The following SLC25A31 variants were observed in gnomAD, a reference collection of about 807,000 sequenced individuals.
SLC25A31 encodes the protein ADP/ATP translocase 4.
In SLC25A31, 40 loss-of-function variants were observed where a neutral mutation model predicts 36.2. That is an observed-to-expected ratio of 1.10 (90% CI 0.86 to 1.44). The LOEUF (loss-of-function observed/expected upper bound fraction) is 1.44. Ranked by LOEUF, SLC25A31 falls within the 40% of genes most tolerant of loss-of-function variation. The probability of loss-of-function intolerance (pLI) is 0.00; values close to 1 mark genes in which losing one functional copy is unlikely to be tolerated. For missense variants in SLC25A31, 350 were observed against 397.1 expected, an observed-to-expected ratio of 0.88 and a Z score of 1.01; for synonymous variants, 143 against 149.7, an observed-to-expected ratio of 0.96 and a Z score of 0.32.
At chr4:127,757,361 C>T (rs775043335) in intron 2 of SLC25A31, among the ~76,000 whole-genome samples, 7 of 152,106 alleles carry the variant, frequency 4.6e-5, no homozygotes, top group Non-Finnish European at 1.0e-4. Context: ...TGTTTAGTTC[C>T]CACTTATAAG....
chr4:127,746,877 G>A (rs181261077), intron 2 of SLC25A31, among the ~76,000 whole-genome samples: 44 of 152,210 alleles, frequency 2.9e-4, no homozygotes, highest in African/African-American at 9.9e-4. Flanking sequence ...TATTGCCTGG[G>A]TTGTCTTCCA....
chr4:127,733,872 C>T (rs1463523012), intron 1 of SLC25A31, among the ~76,000 whole-genome samples: 3 of 152,164 alleles, frequency 2.0e-5, no homozygotes, highest in African/African-American at 7.2e-5. Context: ...TACTTTCTTT[C>T]CATTACAAGA....
chr4:127,769,769 G>A (rs77755630), intron 5 of SLC25A31, among the ~76,000 whole-genome samples: 18 of 152,280 alleles, frequency 1.2e-4, no homozygotes, highest in African/African-American at 1.7e-4. Context: ...ATGATCAGAC[G>A]TGGTCTCCTA....
In SLC25A31 at chr4:127,758,909, C is replaced by G. The variant is rs138141130; in HGVS notation, c.361-5334C>G. ...TAGTTTGAAGTCAGGTAATGTGATGCCTATGGATTTGTTCTTTTTGCGTGG... is the reference window on the plus strand; with the variant it reads ...TAGTTTGAAGTCAGGTAATGTGATGGCTATGGATTTGTTCTTTTTGCGTGG... On this transcript the variant is annotated intron_variant, in intron 2 of 5. Coordinates refer to ENST00000281154, the MANE Select transcript of SLC25A31 (RefSeq NM_031291.4). Among the ~76,000 whole-genome samples, 135 of 152,192 alleles carry G rather than the reference C, an allele frequency of 8.9e-4. 2 individuals carry two copies. Among genetic ancestry groups the G allele is most frequent in the African/African-American group, 3.0e-3 (125 of 41,534 alleles).
chr4:127,744,092 T>G (rs984250156), intron 1 of SLC25A31, among the ~76,000 whole-genome samples: 2 of 152,198 alleles, frequency 1.3e-5, no homozygotes, highest in Non-Finnish European at 2.9e-5. Context: ...GTAGGGAGAT[T>G]ACTGGCGTCA....
Position 127,773,682 on chromosome 4 carries a change from AGT to A in SLC25A31, c.*110_*111del. The A allele has an allele frequency of 1.1e-6, 1 of 892,420 alleles. No homozygotes were observed. The highest frequency in any genetic ancestry group is 1.6e-6 in the Non-Finnish European group (1 of 625,602). The allele number at this position is 892,420 out of a possible 1,614,324, so 55.3% of individuals were successfully genotyped here. On this transcript the variant is annotated 3_prime_UTR_variant, in exon 6 of 6. Transcript: ENST00000281154. ...AGTGTTATTGTCTGTATTTTGTTAAAGTGCTAGTTCTGCAATAAAGCATACAT... is the reference window on the plus strand; with the variant it reads ...AGTGTTATTGTCTGTATTTTGTTAAAGCTAGTTCTGCAATAAAGCATACAT...
At chr4:127,757,236 C>A (rs975995334) in intron 2 of SLC25A31, among the ~76,000 whole-genome samples, 8 of 152,128 alleles carry the variant, frequency 5.3e-5, no homozygotes, top group Non-Finnish European at 8.8e-5. Context: ...ACCCATCAAC[C>A]AAATAGTCAA....
intron 5 of SLC25A31, among the ~76,000 whole-genome samples, chr4:127,772,375 T>G (rs1345782712): frequency 2.0e-5 from 3 of 152,236 alleles, no homozygotes; most frequent in Non-Finnish European, 4.4e-5. Flanking sequence ...CATCTTGCTC[T>G]TAAATTTCTG....
intron 1 of SLC25A31, among the ~76,000 whole-genome samples, chr4:127,731,185 G>A (rs1159770016): frequency 6.6e-6 from 1 of 152,124 alleles, no homozygotes; most frequent in African/African-American, 2.4e-5. Flanking sequence ...CTCCAGCATG[G>A]GCGACAGAGG....
At chr4:127,772,503 CT>C (rs1189130846) in intron 5 of SLC25A31, among the ~76,000 whole-genome samples, 4 of 152,064 alleles carry the variant, frequency 2.6e-5, no homozygotes, top group African/African-American at 9.7e-5. Context: ...CCTAACTGGA[CT>C]TTTTTTGTGC....
chr4:127,756,899 A>T (rs1732040925), intron 2 of SLC25A31, among the ~76,000 whole-genome samples: 1 of 152,228 alleles, frequency 6.6e-6, no homozygotes, highest in African/African-American at 2.4e-5. Context: ...GGAAAAAAGT[A>T]TGGCGATTTC....
At position 127,730,567 on chromosome 4, in the gene SLC25A31, A is replaced by C. The variant is rs1731497814; in HGVS notation, c.22A>C (p.Lys8Gln). The change falls in exon 1 of 6, where the codon AAG becomes CAG. Residue 8 changes from lysine to glutamine, a missense_variant. Lys to Gln is a moderately conservative substitution (Grantham distance 53, BLOSUM62 1). Transcript: ENST00000281154. MHREPAKKKAEKRLFDAS... is the reference protein window; with the variant it reads MHREPAKQKAEKRLFDAS... ...CATCATGCATCGTGAGCCTGCGAAAAAGAAGGCAGAAAAGCGGCTGTTTGA... is the reference window on the plus strand; with the variant it reads ...CATCATGCATCGTGAGCCTGCGAAACAGAAGGCAGAAAAGCGGCTGTTTGA... 6.2e-7 allele frequency: 1 copy of C among 1,613,782 alleles called. No individual in the cohort carries two copies. The highest frequency in any genetic ancestry group is 1.3e-5 in the African/African-American group (1 of 74,918).
intron 2 of SLC25A31, among the ~76,000 whole-genome samples, chr4:127,747,170 C>T (rs1731841680): frequency 6.6e-6 from 1 of 152,192 alleles, no homozygotes; most frequent in Non-Finnish European, 1.5e-5. Context: ...GTTTTGGTTA[C>T]TTTAGCCCAG....
At chr4:127,736,794 AT>A (rs1353996195) in intron 1 of SLC25A31, among the ~76,000 whole-genome samples, 1 of 152,226 alleles carries the variant, frequency 6.6e-6, no homozygotes, top group African/African-American at 2.4e-5. Context: ...TGCTCAAGTA[AT>A]TGTTACTAAT....
intron 1 of SLC25A31, among the ~76,000 whole-genome samples, chr4:127,735,876 A>ATTTTTTTTT (rs1560630392): frequency 6.8e-5 from 5 of 73,758 alleles, no homozygotes; most frequent in African/African-American, 1.9e-4. Flanking sequence ...TATTTTATTT[A>ATTTTTTTTT]TTTATTTATT....
intron 1 of SLC25A31, among the ~76,000 whole-genome samples, 164 bp downstream of exon 1, chr4:127,730,941 A>C (rs1055319430): frequency 6.6e-6 from 1 of 152,184 alleles, no homozygotes; most frequent in African/African-American, 2.4e-5. Flanking sequence ...TTCTGAACCT[A>C]ACAGGCTCTG....
intron 1 of SLC25A31, among the ~76,000 whole-genome samples, chr4:127,733,531 ATATT>A (rs1731569794): frequency 6.6e-6 from 1 of 152,216 alleles, no homozygotes; most frequent in African/African-American, 2.4e-5. Flanking sequence ...ACTTGTACAC[ATATT>A]TATTTGACGT....
intron 1 of SLC25A31, among the ~76,000 whole-genome samples, chr4:127,733,001 CTT>C (rs1288415971): frequency 6.6e-6 from 1 of 152,228 alleles, no homozygotes; most frequent in Non-Finnish European, 1.5e-5. Context: ...ACCTGAATGA[CTT>C]TTAGATCTCC....
At chr4:127,753,180 G>A (rs1731968719) in intron 2 of SLC25A31, among the ~76,000 whole-genome samples, 1 of 152,034 alleles carries the variant, frequency 6.6e-6, no homozygotes, top group East Asian at 1.9e-4. Context: ...GCACAACATA[G>A]CAAAACTTAT....
Sources: gnomAD v4.1 joint callset for allele counts (sites outside exome capture counted in the v4.1 genomes callset) on GRCh38, gnomAD v4.1.1 for gene constraint, MANE v1.5 for transcripts, NCBI Gene and HGNC (gene_info 2026-07-23, HGNC 2026-07-21) for gene names.